The following SRBD1 variants were observed in gnomAD, a reference collection of about 807,000 sequenced individuals.
SRBD1 encodes S1 RNA binding domain 1.
In SRBD1, 88 loss-of-function variants were observed where a neutral mutation model predicts 115.3. The observed-to-expected ratio is 0.76, with a 90% CI of 0.64 to 0.91. The LOEUF (loss-of-function observed/expected upper bound fraction) is 0.91. Ranked by LOEUF, SRBD1 falls within the 40% of genes least tolerant of loss-of-function variation. The probability of loss-of-function intolerance (pLI) is 0.00; values close to 1 mark genes in which losing one functional copy is unlikely to be tolerated. For missense variants in SRBD1, 1,385 were observed against 1,177.4 expected (o/e 1.18, Z -2.58); for synonymous variants, 509 against 407.7 (o/e 1.25, Z -2.99).
intron 9 of SRBD1, among the ~76,000 whole-genome samples, chr2:45,570,092 T>C (rs1269851257): frequency 6.6e-6 from 1 of 152,252 alleles, no homozygotes; most frequent in Non-Finnish European, 1.5e-5. Context: ...TGTCTATGAC[T>C]GATTTTGTGT....
chr2:45,428,842 T>C (rs554993107), intron 16 of SRBD1, among the ~76,000 whole-genome samples: 28 of 151,966 alleles, frequency 1.8e-4, no homozygotes. Context: ...GAGATACAGA[T>C]ACAAAAAACT....
At chr2:45,414,730 AG>A (rs1558563361) in intron 18 of SRBD1, among the ~76,000 whole-genome samples, 44 of 125,870 alleles carry the variant, frequency 3.5e-4, no homozygotes, top group African/African-American at 1.5e-3. Flanking sequence ...ACACACACAC[AG>A]TGTGTATATA....
intron 14 of SRBD1, among the ~76,000 whole-genome samples, chr2:45,510,871 AG>A (rs1254591440): frequency 6.6e-6 from 1 of 152,226 alleles, no homozygotes; most frequent in African/African-American, 2.4e-5. Flanking sequence ...TGCTACTGAT[AG>A]CTATAATCAC....
At chr2:45,411,147 T>C (rs969929590) in intron 19 of SRBD1, among the ~76,000 whole-genome samples, 9 of 152,116 alleles carry the variant, frequency 5.9e-5, no homozygotes, top group Non-Finnish European at 8.8e-5. Context: ...TCCAGGTAGA[T>C]AGTGTCAGAA....
intron 10 of SRBD1, among the ~76,000 whole-genome samples, chr2:45,553,933 C>G (rs1446876025): frequency 6.6e-6 from 1 of 152,144 alleles, no homozygotes; most frequent in Non-Finnish European, 1.5e-5. Flanking sequence ...ATCCTAGTAA[C>G]TATCTATGGT....
chr2:45,584,651 T>C (rs1367368435), intron 5 of SRBD1, among the ~76,000 whole-genome samples: 3 of 152,214 alleles, frequency 2.0e-5, no homozygotes, highest in Non-Finnish European at 4.4e-5. Flanking sequence ...ACAGTGCCCA[T>C]GGGAGACATG....
chr2:45,421,140 A>G (rs1353684395), intron 16 of SRBD1, among the ~76,000 whole-genome samples: 1 of 152,208 alleles, frequency 6.6e-6, no homozygotes, highest in African/African-American at 2.4e-5. Context: ...CTACACCATG[A>G]TTTACCACAG....
In SRBD1 at chr2:45,389,237, C is replaced by T. The variant is rs150321021; in HGVS notation, c.*73G>A. 7.5e-5 allele frequency: 114 copies of T among 1,521,808 alleles called. No homozygotes were observed. The African/African-American group carries it at 1.3e-3, about 17-fold the overall frequency. The allele number at this position is 1,521,808 out of a possible 1,614,324, so 94.3% of individuals were successfully genotyped here. On this transcript the variant is annotated 3_prime_UTR_variant, in exon 21 of 21. Transcript: ENST00000263736. ...TTTCTCATCTGCTACCTAGAGTTTA[C>T]AAACAACTGACTTATCCTTGTCAAT...
intron 14 of SRBD1, among the ~76,000 whole-genome samples, chr2:45,531,810 T>C (rs1671621111): frequency 6.6e-6 from 1 of 151,814 alleles, no homozygotes; most frequent in Non-Finnish European, 1.5e-5. Flanking sequence ...TTTTCCTTTG[T>C]TCTTTCTTCA....
chr2:45,599,913 G>C (rs1674039555), intron 3 of SRBD1, 78 bp from the exon 4 acceptor site: 7 of 1,439,446 alleles, frequency 4.9e-6, no homozygotes, highest in Non-Finnish European at 6.5e-6. Context: ...ACAAATAAAA[G>C]TGAACAAATT....
At chr2:45,486,594 G>A (rs969986297) in intron 15 of SRBD1, among the ~76,000 whole-genome samples, 35 of 151,884 alleles carry the variant, frequency 2.3e-4, no homozygotes, top group East Asian at 9.7e-4. Context: ...TTAGCCAGGC[G>A]TGGTGGCAGG....
intron 10 of SRBD1, among the ~76,000 whole-genome samples, chr2:45,556,448 C>CTT (rs59284495): frequency 0.067 from 5,306 of 78,740 alleles, 1,496 homozygotes; most frequent in African/African-American, 0.13. Flanking sequence ...TGCTCTATTA[C>CTT]TTTTTTTTTT....
chr2:45,588,476 C>T (rs1208817684), intron 4 of SRBD1, among the ~76,000 whole-genome samples: 2 of 152,204 alleles, frequency 1.3e-5, no homozygotes, highest in African/African-American at 2.4e-5. Context: ...CAAACCTGTA[C>T]CTTTTCCTGT....
At chr2:45,600,142 A>G (rs1674046315) in intron 3 of SRBD1, among the ~76,000 whole-genome samples, 1 of 152,200 alleles carries the variant, frequency 6.6e-6, no homozygotes, top group Non-Finnish European at 1.5e-5. Flanking sequence ...GTCATGGTAG[A>G]TACACAAACC....
intron 9 of SRBD1, among the ~76,000 whole-genome samples, chr2:45,567,691 G>A (rs1421581214): frequency 6.6e-6 from 1 of 152,034 alleles, no homozygotes; most frequent in Non-Finnish European, 1.5e-5. Flanking sequence ...AATAAATTGT[G>A]AATACAAAAT....
At chr2:45,552,538 A>T (rs1672335099) in intron 11 of SRBD1, among the ~76,000 whole-genome samples, 1 of 152,222 alleles carries the variant, frequency 6.6e-6, no homozygotes, top group Non-Finnish European at 1.5e-5. Context: ...ACTAGACATA[A>T]GCAACATGAG....
chr2:45,575,732 G>C (rs1416574090), intron 7 of SRBD1, among the ~76,000 whole-genome samples: 1 of 152,102 alleles, frequency 6.6e-6, no homozygotes, highest in Non-Finnish European at 1.5e-5. Flanking sequence ...CTGAGATGGA[G>C]TCTCACTGTC....
chr2:45,511,705 T>C (rs1670976272), intron 14 of SRBD1, among the ~76,000 whole-genome samples: 1 of 152,226 alleles, frequency 6.6e-6, no homozygotes, highest in South Asian at 2.1e-4. Context: ...ATATTCCTTC[T>C]GCACTTTTCA....
chr2:45,547,369 G>A (rs1286101386), intron 13 of SRBD1, among the ~76,000 whole-genome samples, 153 bp downstream of exon 13: 2 of 152,118 alleles, frequency 1.3e-5, no homozygotes, highest in African/African-American at 2.4e-5. Context: ...CACATGCAGA[G>A]TTCTCCAGCA....
Sources: allele counts gnomAD v4.1 joint callset (sites outside exome capture counted in the v4.1 genomes callset), GRCh38; gene constraint gnomAD v4.1.1; transcripts MANE v1.5; gene names NCBI Gene and HGNC (gene_info 2026-07-23, HGNC 2026-07-21).